The following STK11IP variants were observed in gnomAD, a reference collection of about 807,000 sequenced individuals.
The protein encoded by STK11IP is serine/threonine kinase 11 interacting protein.
Under a neutral mutation model 131.7 loss-of-function variants are expected in STK11IP, and 103 were observed. The ratio of observed to expected loss-of-function variants is 0.78; its 90% CI spans 0.67 to 0.92. STK11IP has a LOEUF of 0.92. Among genes scored for constraint, STK11IP ranks in the 40% least tolerant of loss-of-function variants. The probability of loss-of-function intolerance (pLI) is 0.00; values close to 1 mark genes in which losing one functional copy is unlikely to be tolerated. For missense variants in STK11IP, 1,315 were observed against 1,385.7 expected (o/e 0.95, Z 0.81); for synonymous variants, 557 against 575.6 (o/e 0.97, Z 0.46).
chr2:219,605,842 AG>A lies in STK11IP; in HGVS notation c.745+109del, dbSNP rs1559179391. The A allele has an allele frequency of 2.1e-5, 32 of 1,491,126 alleles. No individual in the cohort carries two copies. In the South Asian group the frequency reaches 3.8e-4, roughly 18 times the overall value. 92.4% of individuals were successfully genotyped at this position (1,491,126 alleles called of 1,614,324 possible). A position where few individuals can be genotyped will look rare whatever the true frequency, so the allele number is the denominator to read the frequency against. ...TAGAGCCTTGAGAGGGCTTATGGGG[AG>A]TGCAGGGGTGCTCTGGCCGGTCTTT... On this transcript the variant is annotated intron_variant, in intron 8 of 24. Coordinates refer to ENST00000456909, the MANE Select transcript of STK11IP (RefSeq NM_052902.4).
In STK11IP at chr2:219,606,459, T is replaced by A. The variant is rs943830012; in HGVS notation, c.946-17T>A. 2 of 1,608,924 alleles carry A rather than the reference T, an allele frequency of 1.2e-6. No individual in the cohort carries two copies. Among genetic ancestry groups the A allele is most frequent in the Non-Finnish European group, 1.7e-6 (2 of 1,177,250 alleles). ...GGGCCTACCACATACTCCCTCCCCCTTTTTGTCTTTGCTCAGTTCCTTCTC... is the reference window on the plus strand; with the variant it reads ...GGGCCTACCACATACTCCCTCCCCCATTTTGTCTTTGCTCAGTTCCTTCTC... On this transcript the variant is annotated splice_polypyrimidine_tract_variant and intron_variant, in intron 10 of 24. Transcript: ENST00000456909.
At chr2:219,613,078 A>C (rs1574630576) in intron 19 of STK11IP, 50 bp from the exon 20 acceptor site, 1 of 1,517,010 alleles carries the variant, frequency 6.6e-7, no homozygotes. Context: ...GTCTGGCCCC[A>C]CCTCCCCAGG....
intron 7 of STK11IP, 78 bp from the exon 8 acceptor site, chr2:219,605,530 G>C (rs1698121264): frequency 1.4e-6 from 2 of 1,476,048 alleles, no homozygotes; most frequent in Admixed American, 2.0e-5. Flanking sequence ...TTGAGGCCTA[G>C]TCCAGAAGAG....
At chr2:219,602,337 G>A (rs1311708071) in intron 5 of STK11IP, 131 bp from the exon 6 acceptor site, 1 of 724,018 alleles carries the variant, frequency 1.4e-6, no homozygotes, top group Non-Finnish European at 2.3e-6. Context: ...CAGGGACCTG[G>A]GCTTTAAGCC....
At chr2:219,612,506 C>T (rs1698429911) in intron 19 of STK11IP, among the ~76,000 whole-genome samples, 1 of 152,184 alleles carries the variant, frequency 6.6e-6, no homozygotes, top group African/African-American at 2.4e-5. Context: ...GGGCTAAGGC[C>T]CTTGAAGGGG....
At position 219,611,950 on chromosome 2, in the gene STK11IP, C is replaced by T; in HGVS notation, c.2336-5C>T. The T allele has an allele frequency of 1.3e-6, 2 of 1,589,838 alleles. No homozygotes were observed. Among genetic ancestry groups the T allele is most frequent in the Non-Finnish European group, 1.7e-6 (2 of 1,168,848 alleles). On this transcript the variant is annotated splice_region_variant and splice_polypyrimidine_tract_variant and intron_variant, in intron 18 of 24. Transcript: ENST00000456909. ...GGCAGGCTGATGCCCCCTCATTGCC[C>T]TCAGCCCCTGAGCGCTGTGGCCTCC...
rs1698139082 is a variant in STK11IP at position 219,605,994 on chromosome 2, G to T, written c.784G>T (p.Ala262Ser). The T allele has an allele frequency of 6.2e-7, 1 of 1,609,358 alleles. No homozygotes were observed. The highest frequency in any genetic ancestry group is 8.5e-7 in the Non-Finnish European group (1 of 1,177,990). Reference protein sequence around the residue: ...QLRNLRHLDLAYNLLEGHREL... With the variant: ...QLRNLRHLDLSYNLLEGHREL... The stretch of plus-strand genomic sequence containing the variant: ...GAGGAATCTGCGGCACCTGGATTTG[G>T]CATACAACCTGCTGGAAGGACACCG... Residue 262 changes from alanine (A) to serine (S), a missense_variant, in exon 9 of 25, where the codon GCA becomes TCA. Physicochemically the swap from Ala to Ser is moderately conservative, Grantham distance 99. Transcript: ENST00000456909.
intron 2 of STK11IP, among the ~76,000 whole-genome samples, chr2:219,600,186 T>G (rs939800024): frequency 1.4e-5 from 2 of 147,556 alleles, no homozygotes; most frequent in Admixed American, 1.4e-4. Flanking sequence ...CCTCAGCCCC[T>G]CGAGTAGCTG....
intron 3 of STK11IP, 22 bp from the exon 4 acceptor site, chr2:219,601,619 T>TC (rs749572070): frequency 6.7e-7 from 1 of 1,497,822 alleles, no homozygotes; most frequent in East Asian, 2.5e-5. Flanking sequence ...CTCAGTAAAT[T>TC]GAGTTTTTTT....
At chr2:219,602,611 G>C in intron 6 of STK11IP, 36 bp downstream of exon 6, 1 of 1,611,856 alleles carries the variant, frequency 6.2e-7, no homozygotes, top group Non-Finnish European at 8.5e-7. Context: ...TTCGAGGAAG[G>C]GCAAGGCCAG....
At chr2:219,614,707 G>A (rs1356067078) in intron 23 of STK11IP, 161 bp downstream of exon 23, 2 of 814,178 alleles carry the variant, frequency 2.5e-6, no homozygotes, top group Non-Finnish European at 4.2e-6. Flanking sequence ...AACAGCCTCA[G>A]TGTGCCCTGA....
At position 219,616,034 on chromosome 2, in the gene STK11IP, G is replaced by C. The variant is rs769972290; in HGVS notation, c.3118-10G>C. On this transcript the variant is annotated splice_polypyrimidine_tract_variant and intron_variant, in intron 24 of 24. Transcript: ENST00000456909. ...ATGAGCCTCGCCTTGCTAACTGCTC[G>C]GTCTGCCAGGTGTCCCGGCTGGAGA... is the stretch of plus-strand genomic sequence containing the variant. The C allele has an allele frequency of 7.4e-6, 12 of 1,612,722 alleles. No homozygotes were observed. The African/African-American group carries it at 9.3e-5, about 13-fold the overall frequency.
chr2:219,601,643 G>A lies in STK11IP; in HGVS notation c.270G>A (p.Leu90=). The A allele has an allele frequency of 6.5e-7, 1 of 1,543,798 alleles. No homozygotes were observed. Among genetic ancestry groups the A allele is most frequent in the African/African-American group, 1.4e-5 (1 of 71,028 alleles). Reference sequence around the variant, plus strand: ...TTGAGTTTTTTTTTTTTTTTCAGCTGGTCCATGTTGCTGGTCCTGGCCCCA... The same window carrying A: ...TTGAGTTTTTTTTTTTTTTTCAGCTAGTCCATGTTGCTGGTCCTGGCCCCA... ...DVLQKTLSLK[L]VHVAGPGPTG... The change falls in exon 4 of 25, where the codon CTG becomes CTA. Residue 90 remains leucine (L), a splice_region_variant and synonymous_variant. Coordinates refer to ENST00000456909, the MANE Select transcript of STK11IP (RefSeq NM_052902.4).
chr2:219,615,844 G>C, intron 24 of STK11IP, 200 bp from the exon 25 acceptor site: 1 of 761,712 alleles, frequency 1.3e-6, no homozygotes, highest in East Asian at 2.7e-5. Context: ...CAGGTCCTCT[G>C]GAGGCTTTCA....
Position 219,615,181 on chromosome 2 carries a change from C to T in STK11IP, c.2957C>T (p.Pro986Leu), listed in dbSNP as rs1485144164. The T allele has an allele frequency of 6.2e-7, 1 of 1,600,072 alleles. No homozygotes were observed. Among genetic ancestry groups the T allele is most frequent in the Admixed American group, 1.7e-5 (1 of 58,508 alleles). The change falls in exon 24 of 25, where the codon CCC becomes CTC. Residue 986 changes from proline to leucine, a missense_variant. Coordinates refer to ENST00000456909, the MANE Select transcript of STK11IP (RefSeq NM_052902.4). ...GATGCTGCAGGGTCCCCGGCAGAGC[C>T]CTCTCCTCCAGCAGCATCTGGCGAA... ...DEDAAGSPAE[P>L]SPPAASGEAS...
chr2:219,601,175 A>T, intron 2 of STK11IP, 60 bp from the exon 3 acceptor site: 1 of 1,441,322 alleles, frequency 6.9e-7, no homozygotes, highest in Non-Finnish European at 9.5e-7. Context: ...ATAGAGCCTT[A>T]GAATAAAGAG....
intron 2 of STK11IP, among the ~76,000 whole-genome samples, chr2:219,600,503 TC>T (rs1244875920): frequency 1.3e-5 from 2 of 152,228 alleles, no homozygotes; most frequent in African/African-American, 4.8e-5. Flanking sequence ...TCTGCAGCAT[TC>T]TTTGACTCCA....
rs1483758915 is a variant in STK11IP, at chr2:219,606,053, C to T, written c.843C>T (p.Leu281=). 1.2e-6 allele frequency: 2 copies of T among 1,600,218 alleles called. No homozygotes were observed. Among genetic ancestry groups the T allele is most frequent in the Non-Finnish European group, 1.7e-6 (2 of 1,173,594 alleles). The change falls in exon 9 of 25, where the codon CTC becomes CTT. Residue 281 remains leucine, a synonymous_variant. Transcript: ENST00000456909. ...CACCACTGTGGCTGCTGGCTGAGCTCCGCAAGGTGAGATGGGAATGCATCA... is the reference window on the plus strand; with the variant it reads ...CACCACTGTGGCTGCTGGCTGAGCTTCGCAAGGTGAGATGGGAATGCATCA... ...ELSPLWLLAE[L]RKLYLEGNPL...
rs1697977338 is a variant in STK11IP at position 219,601,363 on chromosome 2, TC to T, written c.193del (p.His65IlefsTer72). On this transcript the variant is annotated frameshift_variant, in exon 3 of 25. Coordinates refer to ENST00000456909, the MANE Select transcript of STK11IP (RefSeq NM_052902.4). LOFTEE classifies it high-confidence loss of function. ...PGQTGFVALP[S>X]HPADSPVILQ... ...CCAGACAGGCTTTGTGGCTCTGCCC[TC>T]CCATCCTGCCGACTCCCCTGTTATT... 1 of 1,614,026 alleles carries T rather than the reference TC, an allele frequency of 6.2e-7. No homozygotes were observed. Among genetic ancestry groups the T allele is most frequent in the Non-Finnish European group, 8.5e-7 (1 of 1,179,902 alleles).
Sources: gnomAD v4.1 joint callset for allele counts (sites outside exome capture counted in the v4.1 genomes callset) on GRCh38, gnomAD v4.1.1 for gene constraint, MANE v1.5 for transcripts, NCBI Gene and HGNC (gene_info 2026-07-23, HGNC 2026-07-21) for gene names.